Variants in LCMT1 observed in about 807,000 individuals in gnomAD.
LCMT1 encodes the protein [Phosphatase 2A protein]-leucine-carboxy methyltransferase 1.
A neutral mutation model predicts 47.7 loss-of-function variants in LCMT1; 32 were observed. The ratio of observed to expected loss-of-function variants is 0.67; its 90% CI spans 0.51 to 0.90. The LOEUF (loss-of-function observed/expected upper bound fraction) is 0.90, where lower values mean the gene tolerates loss of function less well. Ranked by LOEUF, LCMT1 falls within the 40% of genes least tolerant of loss-of-function variation. The pLI, the probability that LCMT1 is intolerant of heterozygous loss-of-function variation, is 0.00. For synonymous variants in LCMT1, 152 were observed against 149.7 expected (o/e 1.02, Z -0.11); for missense variants, 375 against 415.2 (o/e 0.90, Z 0.84).
intron 3 of LCMT1, among the ~76,000 whole-genome samples, chr16:25,133,385 GTTTTTTTT>G (rs1177872054): frequency 3.2e-4 from 17 of 52,614 alleles, no homozygotes; most frequent in African/African-American, 1.2e-3. Context: ...CTGGGCTTAG[GTTTTTTTT>G]TTTTTTTTTT....
intron 8 of LCMT1, chr16:25,169,578 A>G (rs277892): frequency 0.23 from 42,167 of 183,906 alleles, 5,085 homozygotes; most frequent in East Asian, 0.34. Flanking sequence ...GAATATTTTC[A>G]GGCAAATCCC....
Position 25,122,483 on chromosome 16 carries a change from T to A in LCMT1, c.114-5992T>A, listed in dbSNP as rs187223609. Among the ~76,000 whole-genome samples, 634 of 151,808 alleles carry A rather than the reference T, an allele frequency of 4.2e-3. 2 individuals are homozygous for A. Among genetic ancestry groups the A allele is most frequent in the African/African-American group, 0.013 (548 of 41,152 alleles). ...ACTACCATGCCCGGCTGTGTTTTTTTAATTTATTTTTATTTTTTTATTTTT... is the reference window on the plus strand; with the variant it reads ...ACTACCATGCCCGGCTGTGTTTTTTAAATTTATTTTTATTTTTTTATTTTT... On this transcript the variant is annotated intron_variant, in intron 1 of 10. Coordinates refer to ENST00000399069, the MANE Select transcript of LCMT1 (RefSeq NM_016309.3).
Position 25,178,105 on chromosome 16 carries a change from C to A in LCMT1, c.*82C>A. The A allele has an allele frequency of 1.5e-6, 2 of 1,359,442 alleles. No homozygotes were observed. The highest frequency in any genetic ancestry group is 2.1e-6 in the Non-Finnish European group (2 of 956,328). The allele number at this position is 1,359,442 out of a possible 1,614,324, so 84.2% of individuals were successfully genotyped here. On this transcript the variant is annotated 3_prime_UTR_variant, in exon 11 of 11. Transcript: ENST00000399069. ...ACCTGCAAGCTCCCTGAGCGGTGGG[C>A]GGGCCTCGTCCGCAGGTCTCATCCC... is the stretch of plus-strand genomic sequence containing the variant.
At chr16:25,160,031 T>C (rs1452651837) in intron 5 of LCMT1, among the ~76,000 whole-genome samples, 4 of 151,788 alleles carry the variant, frequency 2.6e-5, no homozygotes, top group Non-Finnish European at 5.9e-5. Context: ...AGTGGCATGA[T>C]CTCGGCTCAC....
intron 4 of LCMT1, 137 bp from the exon 5 acceptor site, chr16:25,151,417 G>T: frequency 1.4e-6 from 1 of 696,992 alleles, no homozygotes. Flanking sequence ...TTTTTAGAGG[G>T]GCCCCTGCTT....
rs1056482783 is a variant in LCMT1 at position 25,132,383 on chromosome 16, T to A, written c.206-19T>A. 1 of 1,612,864 alleles carries A rather than the reference T, an allele frequency of 6.2e-7. No homozygotes were observed. Among genetic ancestry groups the A allele is most frequent in the Non-Finnish European group, 8.5e-7 (1 of 1,179,648 alleles). The stretch of plus-strand genomic sequence containing the variant: ...ATCACTGGGTGATAGCTTGTTTCTG[T>A]GCCTCCCCTCCCCCCTAGGATATTT... On this transcript the variant is annotated intron_variant, in intron 2 of 10. Transcript: ENST00000399069.
At chr16:25,126,116 A>G (rs1351078246) in intron 1 of LCMT1, 2 of 1,351,644 alleles carry the variant, frequency 1.5e-6, no homozygotes, top group South Asian at 2.3e-5. Flanking sequence ...GGGTTTGCGG[A>G]GTGGGAGGAG....
chr16:25,128,517 G>A lies in LCMT1; in HGVS notation c.156G>A (p.Gln52=), dbSNP rs1960253490. 3 of 1,610,416 alleles carry A rather than the reference G, an allele frequency of 1.9e-6. No homozygotes were observed. The highest frequency in any genetic ancestry group is 1.3e-5 in the African/African-American group (1 of 74,856). The change falls in exon 2 of 11, where the codon CAG becomes CAA. Residue 52 remains glutamine, a synonymous_variant. Coordinates refer to ENST00000399069, the MANE Select transcript of LCMT1 (RefSeq NM_016309.3). The stretch of plus-strand genomic sequence containing the variant: ...GCTACTGGCATGACCCTTACATACA[G>A]CACTTTGTGAGACTGTCTAAAGAGA... ...SIGYWHDPYI[Q]HFVRLSKERK...
Position 25,111,914 on chromosome 16 carries a change from A to G in LCMT1, c.31A>G (p.Thr11Ala), listed in dbSNP as rs746164464. Residue 11 changes from threonine to alanine, a missense_variant, in exon 1 of 11, where the codon ACC (threonine) becomes GCC (alanine). Transcript: ENST00000399069. The part of the protein sequence containing the change: MATRQRESSI[T>A]SCCSTSSCDA... The stretch of plus-strand genomic sequence containing the variant: ...CACTAGGCAGAGGGAATCCTCTATC[A>G]CCTCCTGCTGTTCCACCTCGAGCTG... The G allele has an allele frequency of 6.2e-7, 1 of 1,613,084 alleles. No homozygotes were observed. Among genetic ancestry groups the G allele is most frequent in the Non-Finnish European group, 8.5e-7 (1 of 1,179,528 alleles).
intron 1 of LCMT1, among the ~76,000 whole-genome samples, chr16:25,128,071 A>T (rs1398845836): frequency 6.6e-6 from 1 of 152,246 alleles, no homozygotes; most frequent in East Asian, 1.9e-4. Context: ...AGTGTTTCTA[A>T]GTCTCCCTTC....
Position 25,128,825 on chromosome 16 carries a change from G to A in LCMT1, c.205+259G>A, listed in dbSNP as rs534119175. On this transcript the variant is annotated intron_variant, in intron 2 of 10. Coordinates refer to ENST00000399069, the MANE Select transcript of LCMT1 (RefSeq NM_016309.3). ...ACAGAGGAACAGAAAACCAAACACCGCATGTTCTCACTCATAAATGGGAGT... is the reference window on the plus strand; with the variant it reads ...ACAGAGGAACAGAAAACCAAACACCACATGTTCTCACTCATAAATGGGAGT... Among the ~76,000 whole-genome samples, 11 of 148,620 alleles carry A rather than the reference G, an allele frequency of 7.4e-5. 1 individual carries two copies. The highest frequency in any genetic ancestry group is 4.7e-4 in the Admixed American group (7 of 14,784).
Position 25,178,106 on chromosome 16 carries a change from G to A in LCMT1, c.*83G>A, listed in dbSNP as rs770060760. On this transcript the variant is annotated 3_prime_UTR_variant, in exon 11 of 11. Coordinates refer to ENST00000399069, the MANE Select transcript of LCMT1 (RefSeq NM_016309.3). The stretch of plus-strand genomic sequence containing the variant: ...CCTGCAAGCTCCCTGAGCGGTGGGC[G>A]GGCCTCGTCCGCAGGTCTCATCCCA... 28 of 1,362,426 alleles carry A rather than the reference G, an allele frequency of 2.1e-5. No individual in the cohort carries two copies. The highest frequency in any genetic ancestry group is 9.5e-5 in the South Asian group (8 of 84,096). The allele number at this position is 1,362,426 out of a possible 1,614,324, so 84.4% of individuals were successfully genotyped here.
chr16:25,124,859 G>A (rs1450895350), intron 1 of LCMT1, among the ~76,000 whole-genome samples: 1 of 152,214 alleles, frequency 6.6e-6, no homozygotes, highest in African/African-American at 2.4e-5. Flanking sequence ...TATCATTTTT[G>A]TAGTTAGCTA....
intron 5 of LCMT1, among the ~76,000 whole-genome samples, chr16:25,159,309 G>T (rs1474928592): frequency 6.6e-6 from 1 of 152,226 alleles, no homozygotes; most frequent in Non-Finnish European, 1.5e-5. Flanking sequence ...TTGCTCTGTT[G>T]CCCAGGCTGG....
intron 4 of LCMT1, chr16:25,147,821 C>G (rs1960915049): frequency 6.6e-6 from 1 of 152,184 alleles, no homozygotes; most frequent in East Asian, 1.9e-4. Context: ...TTCTGAGTAG[C>G]TGAGACCCCA....
chr16:25,167,761 T>A (rs1343271385), intron 7 of LCMT1, among the ~76,000 whole-genome samples: 2 of 152,126 alleles, frequency 1.3e-5, no homozygotes, highest in African/African-American at 4.8e-5. Context: ...AACTTATTTA[T>A]TTATTTATTT....
intron 10 of LCMT1, among the ~76,000 whole-genome samples, chr16:25,177,599 C>G (rs906839301): frequency 6.6e-6 from 1 of 152,130 alleles, no homozygotes; most frequent in African/African-American, 2.4e-5. Context: ...AACTCTAGTT[C>G]TCACAAAGGA....
chr16:25,134,341 A>G (rs1404662369), intron 3 of LCMT1, among the ~76,000 whole-genome samples: 1 of 152,196 alleles, frequency 6.6e-6, no homozygotes, highest in Non-Finnish European at 1.5e-5. Flanking sequence ...AATCACTAAC[A>G]TCATGAAGTG....
At chr16:25,165,449 G>A (rs277904) in intron 7 of LCMT1, among the ~76,000 whole-genome samples, 102,064 of 151,902 alleles carry the variant, frequency 0.67, 34,744 homozygotes, top group Non-Finnish European at 0.74. Context: ...GGAGTTGGGC[G>A]TTCCTGCTGT....
Sources: allele counts gnomAD v4.1 joint callset (sites outside exome capture counted in the v4.1 genomes callset), GRCh38; gene constraint gnomAD v4.1.1; transcripts MANE v1.5; gene names NCBI Gene and HGNC (gene_info 2026-07-23, HGNC 2026-07-21).